PPARGC1A: variants seen among roughly 807,000 people sequenced by gnomAD.
PPARGC1A encodes the protein PPARG coactivator 1 alpha.
A neutral mutation model predicts 88.7 loss-of-function variants in PPARGC1A; 25 were observed. The observed-to-expected ratio is 0.28, with a 90% CI of 0.21 to 0.39. The LOEUF (loss-of-function observed/expected upper bound fraction) is 0.39, where lower values mean the gene tolerates loss of function less well. Among genes scored for constraint, PPARGC1A ranks in the 10% least tolerant of loss-of-function variants. The probability of loss-of-function intolerance (pLI) is 1.00; values close to 1 mark genes in which losing one functional copy is unlikely to be tolerated. For missense variants in PPARGC1A, 880 were observed against 968.7 expected, an observed-to-expected ratio of 0.91 and a Z score of 1.22; for synonymous variants, 363 against 355.6, an observed-to-expected ratio of 1.02 and a Z score of -0.24.
At chr4:24,313,911 T>C in the PPARGC1A span, among the ~76,000 whole-genome samples, 2 of 152,348 alleles carry the variant, frequency 1.3e-5, no homozygotes, top group South Asian at 4.1e-4. Context: ...TAATAAAATA[T>C]GTTCATGCAA....
the PPARGC1A span, among the ~76,000 whole-genome samples, chr4:24,403,211 C>T: frequency 6.6e-5 from 10 of 152,172 alleles, no homozygotes; most frequent in African/African-American, 4.8e-5. Context: ...CCACCTCCCA[C>T]GGCTATCATG....
chr4:24,306,504 T>C, the PPARGC1A span, among the ~76,000 whole-genome samples: 3 of 152,186 alleles, frequency 2.0e-5, no homozygotes, highest in South Asian at 2.1e-4. Context: ...TTGGACAGCA[T>C]AGTGAACATC....
the PPARGC1A span, among the ~76,000 whole-genome samples, chr4:24,040,885 TTCTC>T: frequency 2.0e-5 from 3 of 152,186 alleles, no homozygotes; most frequent in Admixed American, 6.5e-5. Flanking sequence ...AAGCTGCTGA[TTCTC>T]TCATGTTCAC....
At chr4:23,877,687 G>A (rs142134062) in intron 2 of PPARGC1A, 2 of 152,026 alleles carry the variant, frequency 1.3e-5, no homozygotes, top group East Asian at 1.9e-4. Flanking sequence ...TCAAAGAATA[G>A]GCACATAATT....
the PPARGC1A span, among the ~76,000 whole-genome samples, chr4:24,035,650 T>A: frequency 6.6e-5 from 10 of 152,096 alleles, no homozygotes; most frequent in African/African-American, 2.4e-4. Flanking sequence ...TAAACCAATG[T>A]TTCCCAAATT....
the PPARGC1A span, among the ~76,000 whole-genome samples, chr4:24,464,589 A>C: frequency 9.2e-5 from 14 of 152,154 alleles, no homozygotes; most frequent in Non-Finnish European, 1.6e-4. Flanking sequence ...TCTTTCAGGC[A>C]AGAGATTACA....
At chr4:24,162,992 C>A in the PPARGC1A span, among the ~76,000 whole-genome samples, 1 of 151,660 alleles carries the variant, frequency 6.6e-6, no homozygotes, top group African/African-American at 2.4e-5. Flanking sequence ...TTAAGGAAAA[C>A]AAACACCAAG....
the PPARGC1A span, among the ~76,000 whole-genome samples, chr4:24,080,135 G>A: frequency 6.6e-6 from 1 of 151,938 alleles, no homozygotes; most frequent in Non-Finnish European, 1.5e-5. Flanking sequence ...AAATTCATTT[G>A]AGAAAAATCG....
At chr4:24,142,167 C>G in the PPARGC1A span, among the ~76,000 whole-genome samples, 1 of 152,192 alleles carries the variant, frequency 6.6e-6, no homozygotes, top group Non-Finnish European at 1.5e-5. Flanking sequence ...CATTTATTGA[C>G]ACCAGCCTCC....
At chr4:24,126,789 G>A in the PPARGC1A span, among the ~76,000 whole-genome samples, 2 of 152,194 alleles carry the variant, frequency 1.3e-5, no homozygotes, top group South Asian at 2.1e-4. Context: ...CAGTTGCAGA[G>A]CCTCAGCTCT....
the PPARGC1A span, among the ~76,000 whole-genome samples, chr4:23,932,282 A>ATTAGTTCTTCGC: frequency 6.6e-6 from 1 of 151,090 alleles, no homozygotes; most frequent in Non-Finnish European, 1.5e-5. Flanking sequence ...AGTGGGACTA[A>ATTAGTTCTTCGC]TTAGTTCCTC....
chr4:23,942,780 A>C, the PPARGC1A span, among the ~76,000 whole-genome samples: 1 of 152,208 alleles, frequency 6.6e-6, no homozygotes, highest in East Asian at 1.9e-4. Flanking sequence ...CAATATTTAC[A>C]TAAACAATTT....
At chr4:24,420,199 T>A in the PPARGC1A span, among the ~76,000 whole-genome samples, 513 of 152,330 alleles carry the variant, frequency 3.4e-3, 2 homozygotes, top group Non-Finnish European at 5.6e-3. Context: ...ATACACAACC[T>A]AATTCAGTTC....
chr4:24,050,194 C>CTTTTTTTTTTT, the PPARGC1A span, among the ~76,000 whole-genome samples: 1 of 127,808 alleles, frequency 7.8e-6, no homozygotes. Context: ...CTTAGGTGAC[C>CTTTTTTTTTTT]TTTTGTTTTT....
the PPARGC1A span, among the ~76,000 whole-genome samples, chr4:24,278,992 CTGTT>C: frequency 0.1 from 15,609 of 152,156 alleles, 854 homozygotes; most frequent in South Asian, 0.2. Context: ...TAAATAGAAA[CTGTT>C]TGTTCCTGGA....
the PPARGC1A span, among the ~76,000 whole-genome samples, chr4:24,103,270 C>T: frequency 6.6e-6 from 1 of 152,102 alleles, no homozygotes; most frequent in Non-Finnish European, 1.5e-5. Context: ...TCTCAACTGC[C>T]TTCCCTTCTC....
At position 23,868,180 on chromosome 4, in the gene PPARGC1A, G is replaced by A. The variant is rs948913669; in HGVS notation, c.234+16572C>T. 9.2e-5 allele frequency among the ~76,000 whole-genome samples: 14 copies of A among 152,208 alleles called. No individual in the cohort carries two copies. The East Asian group carries it at 2.7e-3, about 30-fold the overall frequency. On this transcript the variant is annotated intron_variant, in intron 2 of 12. Coordinates refer to ENST00000264867, the MANE Select transcript of PPARGC1A (RefSeq NM_013261.5). ...GCTCTATGTCTTCAGTAGACATATA[G>A]CAGCGCCTTTACCCGCCAATGCACA...
At chr4:24,370,817 G>A in the PPARGC1A span, among the ~76,000 whole-genome samples, 24 of 129,862 alleles carry the variant, frequency 1.8e-4, no homozygotes, top group Non-Finnish European at 3.3e-4. Context: ...AGAACATGCA[G>A]GTTTGTTACA....
At chr4:24,105,321 G>A in the PPARGC1A span, among the ~76,000 whole-genome samples, 39 of 152,236 alleles carry the variant, frequency 2.6e-4, no homozygotes, top group African/African-American at 9.4e-4. Flanking sequence ...ACCTTCTAAT[G>A]GGACTTTATT....
Sources: allele counts gnomAD v4.1 joint callset (sites outside exome capture counted in the v4.1 genomes callset), GRCh38; gene constraint gnomAD v4.1.1; transcripts MANE v1.5; gene names NCBI Gene and HGNC (gene_info 2026-07-23, HGNC 2026-07-21).